Variants in PIK3R5 observed in about 807,000 individuals in gnomAD.
PIK3R5 encodes the protein phosphoinositide 3-kinase regulatory subunit 5.
PIK3R5 carries 32 observed loss-of-function variants against 94.9 expected under a neutral mutation model. That is an observed-to-expected ratio of 0.34 (90% CI 0.25 to 0.45). PIK3R5 has a LOEUF of 0.45. Among genes scored for constraint, PIK3R5 ranks in the 20% least tolerant of loss-of-function variants. The pLI, the probability that PIK3R5 is intolerant of heterozygous loss-of-function variation, is 1.00. For synonymous variants in PIK3R5, 443 were observed against 479.4 expected (o/e 0.92, Z 0.99); for missense variants, 853 against 1,144.6 (o/e 0.75, Z 3.68).
chr17:8,964,292 G>C (rs927810910), intron 1 of PIK3R5, among the ~76,000 whole-genome samples: 1 of 151,960 alleles, frequency 6.6e-6, no homozygotes, highest in Non-Finnish European at 1.5e-5. Context: ...CTTGGGAGGC[G>C]GAGGCGGAGG....
intron 5 of PIK3R5, among the ~76,000 whole-genome samples, chr17:8,902,241 A>T (rs2090300003): frequency 2.2e-5 from 3 of 139,044 alleles, no homozygotes; most frequent in South Asian, 2.2e-4. Context: ...CATGGGTTTG[A>T]TATATTAATT....
At chr17:8,939,006 T>G (rs2091126844) in intron 1 of PIK3R5, among the ~76,000 whole-genome samples, 2 of 152,182 alleles carry the variant, frequency 1.3e-5, no homozygotes, top group South Asian at 4.1e-4. Context: ...CTTGTGGGCT[T>G]ACATAAGCTG....
intron 5 of PIK3R5, among the ~76,000 whole-genome samples, chr17:8,895,945 C>T (rs1310868663): frequency 6.6e-6 from 1 of 152,128 alleles, no homozygotes; most frequent in African/African-American, 2.4e-5. Context: ...CACCATCAAC[C>T]CCCTTCCTTG....
At chr17:8,965,300 G>A (rs2091649285) in intron 1 of PIK3R5, among the ~76,000 whole-genome samples, 1 of 152,224 alleles carries the variant, frequency 6.6e-6, no homozygotes, top group African/African-American at 2.4e-5. Flanking sequence ...TCAGAGGCAG[G>A]AGGCTGAGGA....
At chr17:8,887,065 G>A (rs2089877132) in intron 12 of PIK3R5, 31 bp downstream of exon 12, 4 of 1,612,706 alleles carry the variant, frequency 2.5e-6, no homozygotes, top group Admixed American at 1.7e-5. Flanking sequence ...GCAGCCAGTG[G>A]ACCCTGTTCC....
chr17:8,962,551 G>A (rs146487935), intron 1 of PIK3R5, among the ~76,000 whole-genome samples: 2 of 152,220 alleles, frequency 1.3e-5, no homozygotes, highest in East Asian at 3.8e-4. Context: ...GTGTGGACCT[G>A]TGTATCGCTA....
Position 8,890,634 on chromosome 17 carries a change from G to A in PIK3R5, c.657+104C>T. On this transcript the variant is annotated intron_variant, in intron 7 of 18. Transcript: ENST00000447110. This position sits in a 1 kb window ranked among gnomAD's most constrained non-coding sequence, Gnocchi z 6.1. ...CACCCTGCCATGTCACCTGGGTGCA[G>A]GAGACTAAGTGTACCCTGGAGACCG... The A allele has an allele frequency of 9.7e-7, 1 of 1,031,150 alleles. No individual in the cohort carries two copies. Among genetic ancestry groups the A allele is most frequent in the South Asian group, 1.6e-5 (1 of 61,598 alleles). 63.9% of individuals were successfully genotyped at this position (1,031,150 alleles called of 1,614,324 possible). A position where few individuals can be genotyped will look rare whatever the true frequency, so the allele number is the denominator to read the frequency against.
At chr17:8,958,850 C>T (rs1157459121) in intron 1 of PIK3R5, among the ~76,000 whole-genome samples, 1 of 151,848 alleles carries the variant, frequency 6.6e-6, no homozygotes, top group Non-Finnish European at 1.5e-5. Context: ...CCTCCGCCTC[C>T]GTGTTCAATC....
intron 1 of PIK3R5, among the ~76,000 whole-genome samples, chr17:8,948,086 A>T (rs954662369): frequency 2.6e-5 from 4 of 151,632 alleles, no homozygotes; most frequent in Non-Finnish European, 5.9e-5. Context: ...AGAAAAGAAA[A>T]AGAAAAATGC....
intron 1 of PIK3R5, among the ~76,000 whole-genome samples, chr17:8,928,053 C>A (rs949071876): frequency 7.9e-5 from 12 of 152,186 alleles, no homozygotes; most frequent in African/African-American, 2.7e-4. Flanking sequence ...GCCAAATAAA[C>A]CTCTTTTATT....
At position 8,882,983 on chromosome 17, in the gene PIK3R5, C is replaced by T. The variant is rs1407544306; in HGVS notation, c.2206-1102G>A. Among the ~76,000 whole-genome samples the T allele has an allele frequency of 6.6e-6, 1 of 152,214 alleles. No homozygotes were observed. Among genetic ancestry groups the T allele is most frequent in the Non-Finnish European group, 1.5e-5 (1 of 68,046 alleles). ...AGAGCTGCCAGAGGGAGCTTCCAAG[C>T]CTCAGATATAATCATGTCACAGGCA... On this transcript the variant is annotated intron_variant, in intron 15 of 18. Coordinates refer to ENST00000447110, the MANE Select transcript of PIK3R5 (RefSeq NM_001142633.3). This position sits in a 1 kb window ranked among gnomAD's most constrained non-coding sequence, Gnocchi z 4.1.
chr17:8,882,913 T>C lies in PIK3R5; in HGVS notation c.2206-1032A>G, dbSNP rs904560670. On this transcript the variant is annotated intron_variant, in intron 15 of 18. Coordinates refer to ENST00000447110, the MANE Select transcript of PIK3R5 (RefSeq NM_001142633.3). This position sits in a 1 kb window ranked among gnomAD's most constrained non-coding sequence, Gnocchi z 4.1. ...TGGACCATGGCAACAGCCTCCTAACTGGCCTTCCTGCATCACTTGTGGACC... is the reference window on the plus strand; with the variant it reads ...TGGACCATGGCAACAGCCTCCTAACCGGCCTTCCTGCATCACTTGTGGACC... Among the ~76,000 whole-genome samples the C allele has an allele frequency of 6.6e-6, 1 of 152,226 alleles. No homozygotes were observed. The highest frequency in any genetic ancestry group is 1.5e-5 in the Non-Finnish European group (1 of 68,050).
chr17:8,964,373 A>T (rs1249443260), intron 1 of PIK3R5, among the ~76,000 whole-genome samples: 4 of 152,158 alleles, frequency 2.6e-5, no homozygotes, highest in African/African-American at 9.7e-5. Context: ...CCTGAGTGAC[A>T]GAGCAAGACC....
intron 1 of PIK3R5, among the ~76,000 whole-genome samples, chr17:8,928,384 A>G (rs144454419): frequency 0.022 from 3,413 of 152,360 alleles, 54 homozygotes; most frequent in Middle Eastern, 0.041. Flanking sequence ...CAAAATATAT[A>G]AAACTACAGT....
Position 8,889,162 on chromosome 17 carries a change from T to C in PIK3R5, c.872A>G (p.Tyr291Cys). 6.2e-7 allele frequency: 1 copy of C among 1,614,082 alleles called. No homozygotes were observed. Among genetic ancestry groups the C allele is most frequent in the Non-Finnish European group, 8.5e-7 (1 of 1,179,948 alleles). ...IPIPVARCYTYSWSQDSFDIL... is the reference protein window; with the variant it reads ...IPIPVARCYTCSWSQDSFDIL... Reference sequence around the variant, plus strand: ...ACCAAAGCTGTCCTGGCTCCAGCTGTAGGTGTAGCACCTGGCGACAGGGAT... The same window carrying C: ...ACCAAAGCTGTCCTGGCTCCAGCTGCAGGTGTAGCACCTGGCGACAGGGAT... The change falls in exon 9 of 19, where the codon TAC (tyrosine) becomes TGC (cysteine). Residue 291 changes from tyrosine (Y) to cysteine (C), a missense_variant. Transcript: ENST00000447110. The surrounding 1 kb of genome is among the most constrained non-coding windows in gnomAD (Gnocchi z 4.1).
At chr17:8,948,994 C>T (rs1242774306) in intron 1 of PIK3R5, among the ~76,000 whole-genome samples, 2 of 152,094 alleles carry the variant, frequency 1.3e-5, no homozygotes, top group African/African-American at 2.4e-5. Flanking sequence ...AGGTGACTCC[C>T]GAGATAACAT....
Position 8,882,077 on chromosome 17 carries a change from T to C in PIK3R5, c.2206-196A>G. 1 of 590,282 alleles carries C rather than the reference T, an allele frequency of 1.7e-6. No individual in the cohort carries two copies. The highest frequency in any genetic ancestry group is 2.0e-5 in the South Asian group (1 of 50,912). The allele number at this position is 590,282 out of a possible 1,614,324, so 36.6% of individuals were successfully genotyped here. ...CAGGGAAGAGCTCACGTCACTGGCT[T>C]GGTCTAGGGGTCAGCAGCCTCTGTG... On this transcript the variant is annotated intron_variant, in intron 15 of 18. Transcript: ENST00000447110. The surrounding 1 kb of genome is among the most constrained non-coding windows in gnomAD (Gnocchi z 4.1).
At chr17:8,895,232 C>G (rs1047221032) in intron 5 of PIK3R5, among the ~76,000 whole-genome samples, 2 of 152,176 alleles carry the variant, frequency 1.3e-5, no homozygotes, top group South Asian at 4.1e-4. Flanking sequence ...TTCCCCATCT[C>G]CCTGACCATA....
intron 1 of PIK3R5, among the ~76,000 whole-genome samples, chr17:8,931,588 T>C (rs947765533): frequency 6.6e-6 from 1 of 152,090 alleles, no homozygotes; most frequent in African/African-American, 2.4e-5. Flanking sequence ...GAGACAGAAA[T>C]TGGAGTTTGG....
Sources: gnomAD v4.1 joint callset for allele counts (sites outside exome capture counted in the v4.1 genomes callset) on GRCh38, gnomAD v4.1.1 for gene constraint, Gnocchi (gnomAD v3.1) non-coding constraint, MANE v1.5 for transcripts, NCBI Gene and HGNC (gene_info 2026-07-23, HGNC 2026-07-21) for gene names.